Variants in KIRREL3 observed in about 807,000 individuals in gnomAD.
KIRREL3 encodes kin of IRRE-like protein 3.
Under a neutral mutation model 89.7 loss-of-function variants are expected in KIRREL3, and 36 were observed. The observed-to-expected ratio is 0.40, with a 90% CI of 0.31 to 0.53. The LOEUF is 0.53. Among genes scored for constraint, KIRREL3 ranks in the 20% least tolerant of loss-of-function variants. The pLI is 0.49. For synonymous variants in KIRREL3, 445 were observed against 441.4 expected (o/e 1.01, Z -0.10); for missense variants, 864 against 1,056.6 (o/e 0.82, Z 2.53).
chr11:126,922,121 GTCTATCTATCTATCTATCTATCTA>G lies in KIRREL3; in HGVS notation c.55+78310_55+78333del, dbSNP rs60938174. Among the ~76,000 whole-genome samples, 89 of 140,082 alleles carry G rather than the reference GTCTATCTATCTATCTATCTATCTA, an allele frequency of 6.4e-4. 1 individual carries two copies. The highest frequency in any genetic ancestry group is 1.4e-4 in the Non-Finnish European group (9 of 65,178). 91.9% of individuals were successfully genotyped at this position (140,082 alleles called of 152,430 possible). The stretch of plus-strand genomic sequence containing the variant: ...TATCTATCGATCTATCTATCTGTCT[GTCTATCTATCTATCTATCTATCTA>G]TCTATCTATCTATCTATCTATCTAT... On this transcript the variant is annotated intron_variant, in intron 1 of 16. Transcript: ENST00000525144.
chr11:126,519,696 C>A lies in KIRREL3; in HGVS notation c.433+1619G>T, dbSNP rs570469802. On this transcript the variant is annotated intron_variant, in intron 4 of 16. Transcript: ENST00000525144. The surrounding 1 kb of genome is among the most constrained non-coding windows in gnomAD (Gnocchi z 4.3). ...TTCTTCTGAGGATGGAGGGGCTGAG[C>A]CATCTCTGAAGATGAGGAGCCTACA... 1.3e-5 allele frequency among the ~76,000 whole-genome samples: 2 copies of A among 152,236 alleles called. No individual in the cohort carries two copies. The highest frequency in any genetic ancestry group is 2.9e-5 in the Non-Finnish European group (2 of 68,018).
rs1380827500 is a variant in KIRREL3 at position 126,879,842 on chromosome 11, A to T, written c.55+120613T>A. Reference sequence around the variant, plus strand: ...AACCTTCTGTCTCCAGAGACAAACAACATCATGCCCCTCACTGAGTGGTTA... The same window carrying T: ...AACCTTCTGTCTCCAGAGACAAACATCATCATGCCCCTCACTGAGTGGTTA... On this transcript the variant is annotated intron_variant, in intron 1 of 16. Transcript: ENST00000525144. The surrounding 1 kb of genome is among the most constrained non-coding windows in gnomAD (Gnocchi z 5.4). Among the ~76,000 whole-genome samples, 4 of 152,174 alleles carry T rather than the reference A, an allele frequency of 2.6e-5. No individual in the cohort carries two copies. Among genetic ancestry groups the T allele is most frequent in the Non-Finnish European group, 5.9e-5 (4 of 68,024 alleles).
Position 126,526,012 on chromosome 11 carries a change from A to G in KIRREL3, c.283+526T>C, listed in dbSNP as rs1316528639. On this transcript the variant is annotated intron_variant, in intron 3 of 16. Coordinates refer to ENST00000525144, the MANE Select transcript of KIRREL3 (RefSeq NM_032531.4). This position sits in a 1 kb window ranked among gnomAD's most constrained non-coding sequence, Gnocchi z 5.7. Reference sequence around the variant, plus strand: ...ATACCAGCCTGCCCAAGCCGAACATAGTTGGAAATTTATTTTTAATACTTC... The same window carrying G: ...ATACCAGCCTGCCCAAGCCGAACATGGTTGGAAATTTATTTTTAATACTTC... 6.6e-6 allele frequency among the ~76,000 whole-genome samples: 1 copy of G among 152,190 alleles called. No homozygotes were observed. Among genetic ancestry groups the G allele is most frequent in the Non-Finnish European group, 1.5e-5 (1 of 68,028 alleles).
chr11:126,678,015 C>G (rs946352064), intron 1 of KIRREL3, among the ~76,000 whole-genome samples: 2 of 152,254 alleles, frequency 1.3e-5, no homozygotes, highest in African/African-American at 4.8e-5. Context: ...CCCTGTTACA[C>G]CCACTGCAGG....
rs1338294527 is a variant in KIRREL3, at chr11:126,651,712, T to G, written c.56-88800A>C. Among the ~76,000 whole-genome samples the G allele has an allele frequency of 1.3e-5, 2 of 152,224 alleles. No individual in the cohort carries two copies. Among genetic ancestry groups the G allele is most frequent in the African/African-American group, 4.8e-5 (2 of 41,452 alleles). Reference sequence around the variant, plus strand: ...ACAATTCATTCATGTGCCATTTGTTTTCATTCCTTTTTTATAATAAGCTAA... The same window carrying G: ...ACAATTCATTCATGTGCCATTTGTTGTCATTCCTTTTTTATAATAAGCTAA... On this transcript the variant is annotated intron_variant, in intron 1 of 16. Transcript: ENST00000525144. This position sits in a 1 kb window ranked among gnomAD's most constrained non-coding sequence, Gnocchi z 4.6.
rs926571621 is a variant in KIRREL3, at chr11:126,948,735, T to C, written c.55+51720A>G. On this transcript the variant is annotated intron_variant, in intron 1 of 16. Coordinates refer to ENST00000525144, the MANE Select transcript of KIRREL3 (RefSeq NM_032531.4). The surrounding 1 kb of genome is among the most constrained non-coding windows in gnomAD (Gnocchi z 4.5). ...AATACAAGGTGACTGACGCCATCCATAGGGTAAACAAAGTGGTACAATGGT... is the reference window on the plus strand; with the variant it reads ...AATACAAGGTGACTGACGCCATCCACAGGGTAAACAAAGTGGTACAATGGT... Among the ~76,000 whole-genome samples, 3 of 152,148 alleles carry C rather than the reference T, an allele frequency of 2.0e-5. No homozygotes were observed. The highest frequency in any genetic ancestry group is 4.4e-5 in the Non-Finnish European group (3 of 68,024).
In KIRREL3 at chr11:126,870,031, C is replaced by T. The variant is rs1262485490; in HGVS notation, c.55+130424G>A. 6.6e-6 allele frequency among the ~76,000 whole-genome samples: 1 copy of T among 152,184 alleles called. No homozygotes were observed. Among genetic ancestry groups the T allele is most frequent in the Non-Finnish European group, 1.5e-5 (1 of 68,032 alleles). On this transcript the variant is annotated intron_variant, in intron 1 of 16. Transcript: ENST00000525144. The surrounding 1 kb of genome is among the most constrained non-coding windows in gnomAD (Gnocchi z 4.4). ...CCTTTCCACAATTCATTTCAAATGC[C>T]CCTAAACAGTCCTCTAATCTTGAGT...
intron 1 of KIRREL3, among the ~76,000 whole-genome samples, chr11:126,678,578 C>A (rs768444899): frequency 3.1e-4 from 33 of 107,204 alleles, no homozygotes; most frequent in Non-Finnish European, 5.0e-4. Flanking sequence ...CCAGCCTGGG[C>A]GATAGAGCAA....
chr11:126,871,050 C>T (rs766735274), intron 1 of KIRREL3, among the ~76,000 whole-genome samples: 4 of 152,158 alleles, frequency 2.6e-5, no homozygotes, highest in African/African-American at 4.8e-5. Flanking sequence ...AGAGCATCCA[C>T]GGAGCCTCTT....
At chr11:126,602,062 C>T (rs544485262) in intron 1 of KIRREL3, among the ~76,000 whole-genome samples, 12 of 152,290 alleles carry the variant, frequency 7.9e-5, no homozygotes, top group South Asian at 4.1e-4. Context: ...ATTGAATGGC[C>T]GAGTTTGTTT....
chr11:126,448,878 G>T (rs1258802887), intron 8 of KIRREL3, 131 bp downstream of exon 8: 2 of 949,220 alleles, frequency 2.1e-6, no homozygotes, highest in Non-Finnish European at 2.9e-6. Context: ...TTCGTCGAGT[G>T]CAAACCATCC....
rs1399487382 is a variant in KIRREL3 at position 126,574,674 on chromosome 11, T to A, written c.56-11762A>T. On this transcript the variant is annotated intron_variant, in intron 1 of 16. Coordinates refer to ENST00000525144, the MANE Select transcript of KIRREL3 (RefSeq NM_032531.4). This position sits in a 1 kb window ranked among gnomAD's most constrained non-coding sequence, Gnocchi z 5.3. ...GGACGAGGGTGGCTGGGATAGTGTG[T>A]GCTTACATGTGTGCACGCATTTGGA... Among the ~76,000 whole-genome samples, 2 of 152,138 alleles carry A rather than the reference T, an allele frequency of 1.3e-5. No homozygotes were observed. The highest frequency in any genetic ancestry group is 4.8e-5 in the African/African-American group (2 of 41,422).
intron 1 of KIRREL3, among the ~76,000 whole-genome samples, chr11:126,786,602 C>G (rs1206948186): frequency 6.6e-6 from 1 of 152,210 alleles, no homozygotes; most frequent in African/African-American, 2.4e-5. Context: ...CACTGACTTC[C>G]TCCAGGATCA....
At chr11:126,690,276 C>A (rs1290521920) in intron 1 of KIRREL3, among the ~76,000 whole-genome samples, 1 of 152,190 alleles carries the variant, frequency 6.6e-6, no homozygotes, top group East Asian at 1.9e-4. Context: ...AACCCACACC[C>A]CAGCAGGGAA....
intron 1 of KIRREL3, among the ~76,000 whole-genome samples, chr11:126,603,782 G>A (rs1387311054): frequency 2.6e-5 from 4 of 152,218 alleles, no homozygotes; most frequent in African/African-American, 7.2e-5. Context: ...TGGTAGCTCC[G>A]GATTGACCAG....
intron 1 of KIRREL3, among the ~76,000 whole-genome samples, chr11:126,741,152 C>T (rs916691627): frequency 6.6e-6 from 1 of 152,162 alleles, no homozygotes; most frequent in Non-Finnish European, 1.5e-5. Flanking sequence ...GCTCTTGTCA[C>T]TTTGTTAATT....
At chr11:126,842,350 A>T (rs1943992081) in intron 1 of KIRREL3, among the ~76,000 whole-genome samples, 1 of 152,182 alleles carries the variant, frequency 6.6e-6, no homozygotes, top group African/African-American at 2.4e-5. Context: ...TTGCCATGAA[A>T]AAAACCTCCC....
chr11:126,671,244 T>C (rs1945931365), intron 1 of KIRREL3, among the ~76,000 whole-genome samples: 1 of 151,496 alleles, frequency 6.6e-6, no homozygotes. Context: ...CCTTTTTTTT[T>C]TTTTTTTGAG....
At chr11:126,589,832 C>A (rs1449134152) in intron 1 of KIRREL3, among the ~76,000 whole-genome samples, 1 of 152,196 alleles carries the variant, frequency 6.6e-6, no homozygotes, top group Non-Finnish European at 1.5e-5. Context: ...CCTGACCTTG[C>A]TGGCATTTCA....
Sources: gnomAD v4.1 joint callset for allele counts (sites outside exome capture counted in the v4.1 genomes callset) on GRCh38, gnomAD v4.1.1 for gene constraint, Gnocchi (gnomAD v3.1) non-coding constraint, MANE v1.5 for transcripts, NCBI Gene and HGNC (gene_info 2026-07-23, HGNC 2026-07-21) for gene names.